RALYL: variants seen among roughly 807,000 people sequenced by gnomAD.
The protein encoded by RALYL is RALY RNA binding protein like.
In RALYL, 29 loss-of-function variants were observed where a neutral mutation model predicts 35.1. The ratio of observed to expected loss-of-function variants is 0.83; its 90% CI spans 0.61 to 1.13. The LOEUF (loss-of-function observed/expected upper bound fraction) is 1.13, where lower values mean the gene tolerates loss of function less well. RALYL is among the 50% of genes most tolerant of loss of function. The pLI is 0.00. For synonymous variants in RALYL, 120 were observed against 127.6 expected (o/e 0.94, Z 0.40); for missense variants, 359 against 360.4 (o/e 1.00, Z 0.03).
At chr8:84,739,736 CATT>C (rs1218529615) in intron 2 of RALYL, among the ~76,000 whole-genome samples, 1 of 151,754 alleles carries the variant, frequency 6.6e-6, no homozygotes, top group Non-Finnish European at 1.5e-5. Context: ...ACAGATGAAT[CATT>C]AATAATAATG....
At chr8:84,492,000 T>C (rs1031309115) in intron 1 of RALYL, among the ~76,000 whole-genome samples, 7 of 151,972 alleles carry the variant, frequency 4.6e-5, no homozygotes, top group African/African-American at 7.2e-5. Flanking sequence ...AAAATTCATA[T>C]AAATAAAGCA....
At chr8:84,462,934 A>T (rs1051551080) in intron 1 of RALYL, among the ~76,000 whole-genome samples, 2 of 152,032 alleles carry the variant, frequency 1.3e-5, no homozygotes, top group East Asian at 3.9e-4. Flanking sequence ...TGAGTTATTC[A>T]TTCATTCATT....
chr8:84,682,884 C>T (rs183836167), intron 2 of RALYL, among the ~76,000 whole-genome samples: 2 of 152,016 alleles, frequency 1.3e-5, no homozygotes, highest in African/African-American at 4.8e-5. Context: ...CTTCTGCTAG[C>T]TTTTGAATGT....
intron 1 of RALYL, among the ~76,000 whole-genome samples, chr8:84,227,056 CT>C (rs1158995864): frequency 0.015 from 1,268 of 81,822 alleles, 10 homozygotes; most frequent in African/African-American, 0.056. Context: ...AATTGTATTT[CT>C]TTTTTTTTTT....
chr8:84,869,897 G>A (rs1037178847), intron 6 of RALYL, among the ~76,000 whole-genome samples: 2 of 152,130 alleles, frequency 1.3e-5, no homozygotes, highest in African/African-American at 2.4e-5. Context: ...TATATCTTAT[G>A]TCACAGCAGA....
At chr8:84,375,902 A>G (rs970763053) in intron 1 of RALYL, among the ~76,000 whole-genome samples, 1 of 151,842 alleles carries the variant, frequency 6.6e-6, no homozygotes, top group East Asian at 1.9e-4. Flanking sequence ...CATTGTAAAA[A>G]TCTCCAAAAA....
chr8:84,831,834 A>C (rs2134400167), intron 4 of RALYL, among the ~76,000 whole-genome samples: 1 of 152,302 alleles, frequency 6.6e-6, no homozygotes, highest in Middle Eastern at 3.4e-3. Flanking sequence ...ATAATTGACA[A>C]AAGGTGCAAA....
At chr8:84,713,659 T>C (rs1032210499) in intron 2 of RALYL, among the ~76,000 whole-genome samples, 1 of 151,902 alleles carries the variant, frequency 6.6e-6, no homozygotes, top group African/African-American at 2.4e-5. Context: ...ACAACCATTA[T>C]GGAAAACAGT....
chr8:84,733,384 G>A (rs1487315924), intron 2 of RALYL, among the ~76,000 whole-genome samples: 1 of 152,118 alleles, frequency 6.6e-6, no homozygotes, highest in East Asian at 1.9e-4. Flanking sequence ...TAGATGAACT[G>A]TAAGGTTCCT....
intron 1 of RALYL, among the ~76,000 whole-genome samples, chr8:84,458,339 A>C (rs1409933567): frequency 2.6e-5 from 4 of 151,868 alleles, no homozygotes; most frequent in African/African-American, 9.7e-5. Flanking sequence ...CAATGAGGGC[A>C]TAAAAGTACA....
rs1307794016 is a variant in RALYL, at chr8:84,483,984, CTTAAA to C, written c.-23-45310_-23-45306del. On this transcript the variant is annotated intron_variant, in intron 1 of 8. Transcript: ENST00000521268. ...AAATTTTTTTTCTATTTTAATGTTTCTTAAATTAAGATGTGTTTTTAAAATCGGCA... is the reference window on the plus strand; with the variant it reads ...AAATTTTTTTTCTATTTTAATGTTTCTTAAGATGTGTTTTTAAAATCGGCA... Among the ~76,000 whole-genome samples the C allele has an allele frequency of 2.6e-5, 4 of 151,968 alleles. No individual in the cohort carries two copies. In the South Asian group the frequency reaches 6.2e-4, roughly 24 times the overall value.
intron 2 of RALYL, among the ~76,000 whole-genome samples, chr8:84,697,817 C>T (rs967910464): frequency 2.6e-5 from 4 of 152,030 alleles, no homozygotes; most frequent in African/African-American, 9.7e-5. Flanking sequence ...TTAGCTCCCA[C>T]TTACAAGGGA....
At chr8:84,293,208 A>C (rs537445642) in intron 1 of RALYL, among the ~76,000 whole-genome samples, 10 of 152,216 alleles carry the variant, frequency 6.6e-5, no homozygotes, top group African/African-American at 2.4e-4. Context: ...CAATAGGGGA[A>C]ATTTTTCAAA....
At chr8:84,545,137 C>T (rs2135332068) in intron 2 of RALYL, among the ~76,000 whole-genome samples, 1 of 151,976 alleles carries the variant, frequency 6.6e-6, no homozygotes, top group East Asian at 1.9e-4. Flanking sequence ...AATTTTTTAC[C>T]ATATCCATAC....
rs1464656745 is a variant in RALYL at position 84,265,766 on chromosome 8, T to A, written c.-24+81342T>A. On this transcript the variant is annotated intron_variant, in intron 1 of 8. Coordinates refer to ENST00000521268, the MANE Select transcript of RALYL (RefSeq NM_173848.7). ...TTCAGGCAGCTGATAACTCTGTGAT[T>A]GGTTTGATAGTACCATCCTTTACCT... Among the ~76,000 whole-genome samples, 3 of 152,342 alleles carry A rather than the reference T, an allele frequency of 2.0e-5. No individual in the cohort carries two copies. The East Asian group carries it at 5.8e-4, about 29-fold the overall frequency.
intron 2 of RALYL, among the ~76,000 whole-genome samples, chr8:84,726,181 T>C (rs1452468209): frequency 6.7e-6 from 1 of 149,166 alleles, no homozygotes; most frequent in African/African-American, 2.4e-5. Flanking sequence ...ATGTAACTAA[T>C]CTAGATCACA....
chr8:84,512,361 A>C (rs1009873555), intron 1 of RALYL, among the ~76,000 whole-genome samples: 1 of 151,896 alleles, frequency 6.6e-6, no homozygotes, highest in Non-Finnish European at 1.5e-5. Context: ...CTTTTGATAA[A>C]TGTCTATTCA....
chr8:84,334,963 C>T (rs1009478465), intron 1 of RALYL, among the ~76,000 whole-genome samples: 5 of 152,122 alleles, frequency 3.3e-5, no homozygotes, highest in Non-Finnish European at 5.9e-5. Flanking sequence ...AGGAAGACAA[C>T]GTCAGATAGT....
At chr8:84,234,503 A>G (rs1372171550) in intron 1 of RALYL, among the ~76,000 whole-genome samples, 1 of 152,326 alleles carries the variant, frequency 6.6e-6, no homozygotes, top group Non-Finnish European at 1.5e-5. Context: ...ATGTTAAGAT[A>G]GGAATTTATT....
Sources: allele counts gnomAD v4.1 joint callset (sites outside exome capture counted in the v4.1 genomes callset), GRCh38; gene constraint gnomAD v4.1.1; transcripts MANE v1.5; gene names NCBI Gene and HGNC (gene_info 2026-07-23, HGNC 2026-07-21).